Variants in CASK observed in about 807,000 individuals in gnomAD.
The protein encoded by CASK is calcium/calmodulin dependent serine protein kinase.
CASK carries 4 observed loss-of-function variants against 82.9 expected under a neutral mutation model. That is an observed-to-expected ratio of 0.05 (90% CI 0.02 to 0.11). The LOEUF is 0.11. CASK is among the 10% of genes least tolerant of loss of function. CASK has a pLI of 1.00. For missense variants in CASK, 358 were observed against 720.9 expected, an observed-to-expected ratio of 0.50 and a Z score of 5.76; for synonymous variants, 259 against 253.5, an observed-to-expected ratio of 1.02 and a Z score of -0.20.
At chrX:41,791,354 C>T (rs954214577) in intron 2 of CASK, among the ~76,000 whole-genome samples, 3 of 108,556 alleles carry the variant, frequency 2.8e-5, no homozygotes, top group Non-Finnish European at 5.7e-5. Flanking sequence ...CCTTTGCGTC[C>T]CCATAGCTCA....
intron 3 of CASK, among the ~76,000 whole-genome samples, chrX:41,751,244 G>A (rs988097352): frequency 9.1e-6 from 1 of 110,403 alleles, no homozygotes; most frequent in Non-Finnish European, 1.9e-5. Flanking sequence ...CACCACACCT[G>A]GCTAATTTTT....
intron 2 of CASK, among the ~76,000 whole-genome samples, chrX:41,848,303 G>A (rs1233087136): frequency 8.9e-6 from 1 of 112,145 alleles, no homozygotes; most frequent in Non-Finnish European, 1.9e-5. Context: ...CCCCAATGTT[G>A]AAGGTAGGGG....
chrX:41,844,718 C>T (rs2071116325), intron 2 of CASK, among the ~76,000 whole-genome samples: 1 of 111,458 alleles, frequency 9.0e-6, no homozygotes, highest in East Asian at 2.8e-4. Context: ...ATCCTTATTA[C>T]TTCCTTATTT....
chrX:41,646,425 C>G (rs773281473), intron 8 of CASK, among the ~76,000 whole-genome samples: 1 of 111,111 alleles, frequency 9.0e-6, no homozygotes, highest in South Asian at 3.9e-4. Context: ...TACTTCTTAT[C>G]AGGAGAATGA....
At chrX:41,834,227 T>C (rs182642984) in intron 2 of CASK, among the ~76,000 whole-genome samples, 4 of 111,842 alleles carry the variant, frequency 3.6e-5, no homozygotes, top group Admixed American at 9.5e-5. Context: ...GAGATTTTGA[T>C]ACATATTACA....
chrX:41,799,630 G>A (rs959039683), intron 2 of CASK, among the ~76,000 whole-genome samples: 1 of 108,466 alleles, frequency 9.2e-6, no homozygotes, highest in Non-Finnish European at 1.9e-5. Context: ...CTCTCCCCTG[G>A]AGAGACATAT....
intron 25 of CASK, among the ~76,000 whole-genome samples, chrX:41,525,880 A>G (rs968429957): frequency 9.0e-6 from 1 of 111,648 alleles, no homozygotes; most frequent in African/African-American, 3.3e-5. Context: ...GTCACACAGC[A>G]TCTTCTTGTG....
chrX:41,890,240 ATGTG>A (rs67376740), intron 1 of CASK, among the ~76,000 whole-genome samples: 1 of 103,303 alleles, frequency 9.7e-6, no homozygotes, highest in Non-Finnish European at 2.0e-5. Context: ...GTGTGTGTGT[ATGTG>A]TGTGTGTGTT....
At chrX:41,680,025 C>T (rs2067324159) in intron 5 of CASK, among the ~76,000 whole-genome samples, 1 of 111,138 alleles carries the variant, frequency 9.0e-6, no homozygotes, top group African/African-American at 3.3e-5. Flanking sequence ...GCCCGGCCAA[C>T]CTTGTCCCTA....
At chrX:41,565,725 A>T (rs781608196) in intron 16 of CASK, among the ~76,000 whole-genome samples, 1 of 111,891 alleles carries the variant, frequency 8.9e-6, no homozygotes, top group African/African-American at 3.3e-5. Flanking sequence ...ATCCTTTCTA[A>T]CTCATTTTAT....
chrX:41,559,086 GAT>G (rs1478752412), intron 18 of CASK: 1 of 111,979 alleles, frequency 8.9e-6, no homozygotes, highest in Non-Finnish European at 1.9e-5. Flanking sequence ...AAAAAGAATA[GAT>G]TTTTGAATCT....
intron 1 of CASK, among the ~76,000 whole-genome samples, chrX:41,905,620 C>T (rs1005443969): frequency 5.3e-5 from 6 of 113,038 alleles, no homozygotes; most frequent in African/African-American, 1.6e-4. Context: ...ATAAAGCAGA[C>T]GGCAGGATTT....
At chrX:41,541,034 A>C (rs1288720086) in intron 22 of CASK, among the ~76,000 whole-genome samples, 1 of 112,014 alleles carries the variant, frequency 8.9e-6, no homozygotes, top group Non-Finnish European at 1.9e-5. Context: ...ATCATTTAAC[A>C]CTGCTGTACA....
At chrX:41,857,920 C>T (rs2071401668) in intron 1 of CASK, among the ~76,000 whole-genome samples, 1 of 111,629 alleles carries the variant, frequency 9.0e-6, no homozygotes, top group African/African-American at 3.3e-5. Context: ...TCAATGCCAA[C>T]GCTAGAAGAC....
intron 16 of CASK, chrX:41,562,011 C>T (rs1365585804): frequency 7.0e-6 from 1 of 142,660 alleles, no homozygotes; most frequent in Non-Finnish European, 1.4e-5. Flanking sequence ...CTCCATACCT[C>T]AGTTTTCACA....
chrX:41,891,375 T>C (rs1317314912), intron 1 of CASK, among the ~76,000 whole-genome samples: 3 of 111,179 alleles, frequency 2.7e-5, no homozygotes, highest in African/African-American at 9.8e-5. Flanking sequence ...GATTTTGCAC[T>C]CAGATTACAG....
chrX:41,908,807 A>T (rs1368671984), intron 1 of CASK, among the ~76,000 whole-genome samples: 1 of 112,290 alleles, frequency 8.9e-6, no homozygotes, highest in South Asian at 3.7e-4. Flanking sequence ...CGAATGCTTT[A>T]TCTTGAGTAG....
chrX:41,838,864 C>T (rs1413309845), intron 2 of CASK, among the ~76,000 whole-genome samples: 1 of 111,337 alleles, frequency 9.0e-6, no homozygotes, highest in Non-Finnish European at 1.9e-5. Flanking sequence ...CATTTTTGGC[C>T]TATGGATGTC....
chrX:41,872,098 C>T (rs976615273), intron 1 of CASK, among the ~76,000 whole-genome samples: 7 of 112,699 alleles, frequency 6.2e-5, no homozygotes, highest in South Asian at 3.7e-4. Flanking sequence ...ACTCATCATT[C>T]GCTTACGCGT....
Sources: gnomAD v4.1 joint callset for allele counts (sites outside exome capture counted in the v4.1 genomes callset) on GRCh38, gnomAD v4.1.1 for gene constraint, MANE v1.5 for transcripts, NCBI Gene and HGNC (gene_info 2026-07-23, HGNC 2026-07-21) for gene names.